The following LPIN1 variants were observed in gnomAD, a reference collection of about 807,000 sequenced individuals.
LPIN1 encodes the protein phosphatidate phosphatase LPIN1.
A neutral mutation model predicts 107.5 loss-of-function variants in LPIN1; 71 were observed. The ratio of observed to expected loss-of-function variants is 0.66; its 90% CI spans 0.55 to 0.80. LPIN1 has a LOEUF of 0.80. Ranked by LOEUF, LPIN1 falls within the 30% of genes least tolerant of loss-of-function variation. The probability of loss-of-function intolerance (pLI) is 0.00; values close to 1 mark genes in which losing one functional copy is unlikely to be tolerated. For missense variants in LPIN1, 1,043 were observed against 1,160.6 expected (o/e 0.90, Z 1.47); for synonymous variants, 445 against 452.6 (o/e 0.98, Z 0.21).
At chr2:11,792,713 C>T (rs945204540) in intron 13 of LPIN1, among the ~76,000 whole-genome samples, 1 of 152,224 alleles carries the variant, frequency 6.6e-6, no homozygotes, top group African/African-American at 2.4e-5. Flanking sequence ...GGCATACTCA[C>T]AGCAGTTGAC....
upstream of LPIN1, among the ~76,000 whole-genome samples, chr2:11,720,882 G>A (rs1413070558): frequency 6.6e-6 from 1 of 151,854 alleles, no homozygotes; most frequent in Non-Finnish European, 1.5e-5. Flanking sequence ...GTCAGGTTAG[G>A]CATATGAAGC....
At chr2:11,821,749 C>G (rs1285340510) in intron 20 of LPIN1, among the ~76,000 whole-genome samples, 1 of 152,182 alleles carries the variant, frequency 6.6e-6, no homozygotes, top group Non-Finnish European at 1.5e-5. Flanking sequence ...TAGGGCAGTT[C>G]TAGGCTAACA....
At chr2:11,723,356 A>G (rs991901522), upstream of LPIN1, among the ~76,000 whole-genome samples, 2 of 152,208 alleles carry the variant, frequency 1.3e-5, no homozygotes, top group African/African-American at 4.8e-5. Context: ...CTAAGCATCT[A>G]TGTAAAGACT....
intron 1 of LPIN1, among the ~76,000 whole-genome samples, chr2:11,687,910 A>C (rs948745163): frequency 6.6e-6 from 1 of 152,210 alleles, no homozygotes; most frequent in Non-Finnish European, 1.5e-5. Flanking sequence ...CCGAGAGGAC[A>C]CCGGGGGCTG....
Position 11,751,270 on chromosome 2 carries a change from T to TCCA in LPIN1, c.-10+4599_-10+4600insCCA, listed in dbSNP as rs1667748196. On this transcript the variant is annotated intron_variant, in intron 1 of 20. Coordinates refer to ENST00000674199, the MANE Select transcript of LPIN1 (RefSeq NM_001349206.2). ...AGTACCCCTGTCCAGCACCCTGTCCTGTCTCAGTGGTTTCAGTGATGGAGA... is the reference window on the plus strand; with the variant it reads ...AGTACCCCTGTCCAGCACCCTGTCCTCCAGTCTCAGTGGTTTCAGTGATGGAGA... Among the ~76,000 whole-genome samples the TCCA allele has an allele frequency of 5.0e-5, 7 of 138,850 alleles. No individual in the cohort carries two copies. In the South Asian group the frequency reaches 1.5e-3, roughly 31 times the overall value. The allele number at this position is 138,850 out of a possible 152,430, so 91.1% of individuals were successfully genotyped here. A position where few individuals can be genotyped will look rare whatever the true frequency, so the allele number is the denominator to read the frequency against.
At chr2:11,752,355 T>A (rs1241956637) in intron 1 of LPIN1, among the ~76,000 whole-genome samples, 1 of 151,770 alleles carries the variant, frequency 6.6e-6, no homozygotes, top group Non-Finnish European at 1.5e-5. Context: ...GGGTTGAATA[T>A]CTCTCTCATA....
At chr2:11,716,735 T>C (rs1663768538) in intron 2 of LPIN1, among the ~76,000 whole-genome samples, 2 of 152,030 alleles carry the variant, frequency 1.3e-5, no homozygotes, top group African/African-American at 4.8e-5. Context: ...AAGCTCTTGG[T>C]TTGAAGAATC....
At chr2:11,785,472 A>G (rs2148662200) in intron 10 of LPIN1, among the ~76,000 whole-genome samples, 1 of 152,196 alleles carries the variant, frequency 6.6e-6, no homozygotes, top group African/African-American at 2.4e-5. Context: ...TCCCAGCTGG[A>G]TTCAAAGGGC....
At position 11,695,454 on chromosome 2, in the gene LPIN1, C is replaced by A. The variant is rs1053230957; in HGVS notation, c.81+17726C>A. 2.0e-5 allele frequency among the ~76,000 whole-genome samples: 3 copies of A among 152,074 alleles called. No individual in the cohort carries two copies. The East Asian group carries it at 5.8e-4, about 29-fold the overall frequency. The stretch of plus-strand genomic sequence containing the variant: ...GGGAGGAAAAGCCAGTGCAGAGGCC[C>A]TAAGGTGGAGTATTTGAGGAATATG... On this transcript the variant is annotated intron_variant, in intron 1 of 21. Coordinates refer to the LPIN1 transcript ENST00000449576.
In LPIN1 at chr2:11,784,960, TG is replaced by T. The variant is rs1254963612; in HGVS notation, c.1436del (p.Gly479AlafsTer16). The T allele has an allele frequency of 1.2e-6, 2 of 1,613,734 alleles. No homozygotes were observed. Among genetic ancestry groups the T allele is most frequent in the Non-Finnish European group, 1.7e-6 (2 of 1,180,002 alleles). On this transcript the variant is annotated frameshift_variant, in exon 10 of 21. Coordinates refer to ENST00000674199, the MANE Select transcript of LPIN1 (RefSeq NM_001349206.2). LOFTEE classifies it high-confidence loss of function. ...TCAGCCAACCAGTCCCCGCAGTCGG[TG>T]GGCAGCTCGGGCGTGGACAGTGGCG... ...ARSANQSPQS[V>X]GSSGVDSGVE...
upstream of LPIN1, among the ~76,000 whole-genome samples, chr2:11,719,465 G>A (rs1029763205): frequency 6.6e-6 from 1 of 152,194 alleles, no homozygotes; most frequent in African/African-American, 2.4e-5. Flanking sequence ...GAAGTCCAGG[G>A]TATAGCTTGC....
chr2:11,707,415 C>T lies in LPIN1; in HGVS notation c.82-6341C>T, dbSNP rs375334558. Among the ~76,000 whole-genome samples the T allele has an allele frequency of 5.8e-4, 89 of 152,282 alleles. No homozygotes were observed. Among genetic ancestry groups the T allele is most frequent in the Non-Finnish European group, 8.8e-4 (60 of 68,012 alleles). On this transcript the variant is annotated intron_variant, in intron 1 of 21. Coordinates refer to the LPIN1 transcript ENST00000449576. This position sits in a 1 kb window ranked among gnomAD's most constrained non-coding sequence, Gnocchi z 4.2. ...ATGAAGAGGTGGCAGGAGGTGAGTC[C>T]GGAACCGTGGCCAGACCCCCTGAGG...
chr2:11,806,488 TG>T (rs1678702824), intron 17 of LPIN1, among the ~76,000 whole-genome samples: 1 of 152,102 alleles, frequency 6.6e-6, no homozygotes, highest in African/African-American at 2.4e-5. Context: ...CCCAGCTATT[TG>T]GGAGGCTGAG....
At chr2:11,735,864 T>C (rs939396241) in intron 1 of LPIN1, among the ~76,000 whole-genome samples, 5 of 152,270 alleles carry the variant, frequency 3.3e-5, no homozygotes, top group African/African-American at 1.2e-4. Context: ...CTTAGCACTG[T>C]AGATTTTATC....
At chr2:11,820,000 C>G (rs1681244990) in intron 19 of LPIN1, among the ~76,000 whole-genome samples, 1 of 152,146 alleles carries the variant, frequency 6.6e-6, no homozygotes, top group Non-Finnish European at 1.5e-5. Flanking sequence ...GAAAGAAGCG[C>G]TTTGAGATTT....
At position 11,819,330 on chromosome 2, in the gene LPIN1, G is replaced by T. The variant is rs141440864; in HGVS notation, c.2403-154G>T. On this transcript the variant is annotated intron_variant, in intron 18 of 20. Transcript: ENST00000674199. The stretch of plus-strand genomic sequence containing the variant: ...AAAGTACGGGTTTACTTTCCATCTC[G>T]TGCTTTTCTGGGATGTCTCAGCTGC... 27 of 630,884 alleles carry T rather than the reference G, an allele frequency of 4.3e-5. No homozygotes were observed. In the African/African-American group the frequency reaches 4.8e-4, roughly 11 times the overall value. The allele number at this position is 630,884 out of a possible 1,614,324, so 39.1% of individuals were successfully genotyped here.
At chr2:11,727,860 C>T (rs1273852233) in intron 1 of LPIN1, among the ~76,000 whole-genome samples, 2 of 152,330 alleles carry the variant, frequency 1.3e-5, no homozygotes, top group East Asian at 3.9e-4. Context: ...AGTTCCACAT[C>T]CATGGATTCA....
chr2:11,716,201 C>T (rs1663732090), intron 2 of LPIN1, among the ~76,000 whole-genome samples: 1 of 152,150 alleles, frequency 6.6e-6, no homozygotes, highest in Non-Finnish European at 1.5e-5. Context: ...GGGCGCATGG[C>T]ATGGGGAGGT....
chr2:11,735,354 A>C (rs1278008376), intron 1 of LPIN1, among the ~76,000 whole-genome samples: 1 of 151,940 alleles, frequency 6.6e-6, no homozygotes, highest in African/African-American at 2.4e-5. Flanking sequence ...TTCCTCTTAC[A>C]TCTTTGATGC....
Sources: allele counts gnomAD v4.1 joint callset (sites outside exome capture counted in the v4.1 genomes callset), GRCh38; gene constraint gnomAD v4.1.1; non-coding constraint Gnocchi (gnomAD v3.1); transcripts MANE v1.5; gene names NCBI Gene and HGNC (gene_info 2026-07-23, HGNC 2026-07-21).